ZNF443: variants seen among roughly 807,000 people sequenced by gnomAD.
ZNF443 encodes the protein zinc finger protein 443.
Under a neutral mutation model 12.0 loss-of-function variants are expected in ZNF443, and 3 were observed. That is an observed-to-expected ratio of 0.25 (90% CI 0.11 to 0.64). ZNF443 has a LOEUF of 0.64. Among genes scored for constraint, ZNF443 ranks in the 30% least tolerant of loss-of-function variants. The pLI is 0.84. For missense variants in ZNF443, 770 were observed against 808.8 expected (o/e 0.95, Z 0.58); for synonymous variants, 225 against 265.9 (o/e 0.85, Z 1.50).
rs370329116 is a variant in ZNF443 at position 12,431,232 on chromosome 19, A to G, written c.940T>C (p.Cys314Arg). Residue 314 changes from cysteine to arginine, a missense_variant, in exon 4 of 4, where the codon TGT (cysteine) becomes CGT (arginine). Cys to Arg is a radical substitution (Grantham distance 180). Transcript: ENST00000301547. ...TGEKPYTCKQ[C>R]GKAFSVSGSL... is the part of the protein sequence containing the mutation. ...CCGGAAACACTGAAGGCTTTCCCAC[A>G]TTGTTTACATGTATAGGGTTTCTCT... 5 of 1,613,872 alleles carry G rather than the reference A, an allele frequency of 3.1e-6. No individual in the cohort carries two copies. The African/African-American group carries it at 5.3e-5, about 17-fold the overall frequency.
At chr19:12,434,734 A>G (rs1265598201) in intron 1 of ZNF443, among the ~76,000 whole-genome samples, 2 of 151,996 alleles carry the variant, frequency 1.3e-5, no homozygotes, top group Non-Finnish European at 2.9e-5. Flanking sequence ...TATATGAAGA[A>G]AAATGAAAAC....
chr19:12,430,706 C>A lies in ZNF443; in HGVS notation c.1466G>T (p.Cys489Phe), dbSNP rs138455350. The change falls in exon 4 of 4, where the codon TGT (cysteine) becomes TTT (phenylalanine). Residue 489 changes from cysteine (C) to phenylalanine (F), a missense_variant. Coordinates refer to ENST00000301547, the MANE Select transcript of ZNF443 (RefSeq NM_005815.5). ...AGTTGTTTTGTGATTTTGAAAGGAA[C>A]AGAAATCAATACAGGCTTTCCCAAG... Reference protein sequence around the residue: ...CKLGKACIDFCSFQNHKTTHT... With the variant: ...CKLGKACIDFFSFQNHKTTHT... 1 of 1,613,326 alleles carries A rather than the reference C, an allele frequency of 6.2e-7. No individual in the cohort carries two copies. Among genetic ancestry groups the A allele is most frequent in the East Asian group, 2.2e-5 (1 of 44,828 alleles).
chr19:12,436,485 A>C (rs8100035), intron 1 of ZNF443, among the ~76,000 whole-genome samples: 49,158 of 150,976 alleles, frequency 0.33, 8,440 homozygotes, highest in South Asian at 0.46. Flanking sequence ...TGTCTCAAAA[A>C]AAAAGGGGTA....
rs1447126987 is a variant in ZNF443, at chr19:12,430,365, G to T, written c.1807C>A (p.Leu603Ile). Residue 603 changes from leucine to isoleucine, a missense_variant, in exon 4 of 4, where the codon CTT (leucine) becomes ATT (isoleucine). By Grantham distance (5) the Leu-to-Ile change is conservative. Around this residue, in one of 3 missense-constraint regions of ZNF443, gnomAD observed 736 missense variants for 689.4 expected, o/e 1.07. Coordinates refer to ENST00000301547, the MANE Select transcript of ZNF443 (RefSeq NM_005815.5). ...GTATGAGTTTTTTCATGTCCTTGAA[G>T]AAAACGGGAATGAGTGAAGGCTTTA... is the stretch of plus-strand genomic sequence containing the variant. ...CGKAFTHSRF[L>I]QGHEKTHTGE... 1 of 1,572,418 alleles carries T rather than the reference G, an allele frequency of 6.4e-7. No homozygotes were observed. The highest frequency in any genetic ancestry group is 2.4e-5 in the East Asian group (1 of 41,992).
At chr19:12,437,566 T>C (rs1257790980) in intron 1 of ZNF443, among the ~76,000 whole-genome samples, 2 of 151,938 alleles carry the variant, frequency 1.3e-5, no homozygotes, top group Non-Finnish European at 1.5e-5. Context: ...AAAACAATTA[T>C]ATATGTACAC....
rs1169032760 is a variant in ZNF443 at position 12,431,514 on chromosome 19, T to C, written c.658A>G (p.Thr220Ala). Residue 220 changes from threonine (T) to alanine (A), a missense_variant, in exon 4 of 4, where the codon ACT (threonine) becomes GCT (alanine). By Grantham distance (58) the Thr-to-Ala change is moderately conservative (BLOSUM62 0). Coordinates refer to ENST00000301547, the MANE Select transcript of ZNF443 (RefSeq NM_005815.5). ...SLLHMHERTH[T>A]GEKPYECKQC... ...TTACATTCATATGGTTTCTCTCCAG[T>C]GTGCGTTCTTTCATGCATATGTAAT... The C allele has an allele frequency of 3.1e-6, 5 of 1,614,036 alleles. No homozygotes were observed. In the Admixed American group the frequency reaches 5.0e-5, roughly 16 times the overall value.
Position 12,430,632 on chromosome 19 carries a change from T to G in ZNF443, c.1540A>C (p.Ser514Arg), listed in dbSNP as rs1252497155. ...TGTCGAGAAAGGTATCTGAAACGAC[T>G]GAATGCTTTCCCACATTCCTTACAC... ...YECKECGKAF[S>R]RFRYLSRHKR... Residue 514 changes from serine to arginine, a missense_variant, in exon 4 of 4, where the codon AGT becomes CGT. Around this residue, in one of 3 missense-constraint regions of ZNF443, gnomAD observed 736 missense variants for 689.4 expected, o/e 1.07. Transcript: ENST00000301547. 6.2e-7 allele frequency: 1 copy of G among 1,612,252 alleles called. No homozygotes were observed.
intron 1 of ZNF443, among the ~76,000 whole-genome samples, chr19:12,438,885 TAAC>T (rs1466813170): frequency 6.6e-6 from 1 of 152,230 alleles, no homozygotes; most frequent in African/African-American, 2.4e-5. Context: ...AAGTATAAAA[TAAC>T]AATCTCTAAT....
chr19:12,431,636 C>A lies in ZNF443; in HGVS notation c.536G>T (p.Ser179Ile). 6.2e-7 allele frequency: 1 copy of A among 1,614,168 alleles called. No individual in the cohort carries two copies. The highest frequency in any genetic ancestry group is 1.1e-5 in the South Asian group (1 of 91,074). ...GTGTCTTTGAAGGTTTCCCAAAGAACTGAAGGACTTCCCACATTCTTTACA... is the reference window on the plus strand; with the variant it reads ...GTGTCTTTGAAGGTTTCCCAAAGAAATGAAGGACTTCCCACATTCTTTACA... ...YDCKECGKSFSSLGNLQRHMA... is the reference protein window; with the variant it reads ...YDCKECGKSFISLGNLQRHMA... The change falls in exon 4 of 4, where the codon AGT becomes ATT. Residue 179 changes from serine to isoleucine, a missense_variant. By Grantham distance (142) the Ser-to-Ile change is moderately radical. Transcript: ENST00000301547.
In ZNF443 at chr19:12,432,399, T is replaced by C. The variant is rs755826645; in HGVS notation, c.169A>G (p.Arg57Gly). The C allele has an allele frequency of 1.0e-5, 16 of 1,555,824 alleles. No homozygotes were observed. The African/African-American group carries it at 1.4e-4, about 14-fold the overall frequency. The part of the protein sequence containing the change: ...WKDQNIEDQY[R>G]YPRKNLRCRM... Reference sequence around the variant, plus strand: ...TACCTTAGATTTTTCCTGGGATATCTATATTGATCTTCAATGTTCTGGTCT... The same window carrying C: ...TACCTTAGATTTTTCCTGGGATATCCATATTGATCTTCAATGTTCTGGTCT... The change falls in exon 3 of 4, where the codon AGA becomes GGA. Residue 57 changes from arginine to glycine, a missense_variant. Coordinates refer to ENST00000301547, the MANE Select transcript of ZNF443 (RefSeq NM_005815.5).
At chr19:12,438,258 G>C (rs1340278347) in intron 1 of ZNF443, among the ~76,000 whole-genome samples, 2 of 152,182 alleles carry the variant, frequency 1.3e-5, no homozygotes, top group Non-Finnish European at 2.9e-5. Flanking sequence ...CTCAAATTCA[G>C]TGTCTATGTC....
chr19:12,438,766 A>G (rs548986962), intron 1 of ZNF443, among the ~76,000 whole-genome samples: 6 of 152,220 alleles, frequency 3.9e-5, no homozygotes, highest in African/African-American at 1.4e-4. Flanking sequence ...ATGGAATAGA[A>G]GATTACATAT....
At chr19:12,433,861 A>G (rs1296788884) in intron 1 of ZNF443, among the ~76,000 whole-genome samples, 1 of 152,100 alleles carries the variant, frequency 6.6e-6, no homozygotes, top group Non-Finnish European at 1.5e-5. Flanking sequence ...AAAAGAAAAA[A>G]AAAGTGGGGG....
chr19:12,430,529 T>C lies in ZNF443; in HGVS notation c.1643A>G (p.Lys548Arg). Reference protein sequence around the residue: ...RKAFGHYDNLKVHERIHSGEK... With the variant: ...RKAFGHYDNLRVHERIHSGEK... Reference sequence around the variant, plus strand: ...TCCAGAGTGAATTCTTTCATGTACCTTTAAGTTATCATAATGACCGAAGGC... The same window carrying C: ...TCCAGAGTGAATTCTTTCATGTACCCTTAAGTTATCATAATGACCGAAGGC... The change falls in exon 4 of 4, where the codon AAG (lysine) becomes AGG (arginine). Residue 548 changes from lysine to arginine, a missense_variant. Physicochemically the swap from Lys to Arg is conservative, Grantham distance 26 (BLOSUM62 2). Around this residue, in one of 3 missense-constraint regions of ZNF443, gnomAD observed 736 missense variants for 689.4 expected, o/e 1.07. Coordinates refer to ENST00000301547, the MANE Select transcript of ZNF443 (RefSeq NM_005815.5). 6.2e-7 allele frequency: 1 copy of C among 1,614,140 alleles called. No homozygotes were observed. Among genetic ancestry groups the C allele is most frequent in the South Asian group, 1.1e-5 (1 of 91,084 alleles).
At chr19:12,438,476 GGAACA>G (rs1015751212) in intron 1 of ZNF443, among the ~76,000 whole-genome samples, 2 of 152,148 alleles carry the variant, frequency 1.3e-5, no homozygotes, top group African/African-American at 4.8e-5. Context: ...AGATATAACA[GGAACA>G]GAACAGATTT....
At chr19:12,435,703 T>A (rs1278545676) in intron 1 of ZNF443, among the ~76,000 whole-genome samples, 2 of 151,540 alleles carry the variant, frequency 1.3e-5, no homozygotes, top group Non-Finnish European at 2.9e-5. Context: ...GAGGTCAGGC[T>A]TTTGTATGCT....
At chr19:12,440,710 G>A (rs1970356110) in intron 1 of ZNF443, among the ~76,000 whole-genome samples, 1 of 152,188 alleles carries the variant, frequency 6.6e-6, no homozygotes, top group African/African-American at 2.4e-5. Flanking sequence ...CGCAGTCGCC[G>A]CGCAGGAACG....
rs1215517028 is a variant in ZNF443 at position 12,440,966 on chromosome 19, G to C, written c.-52C>G. 1.9e-6 allele frequency: 3 copies of C among 1,613,666 alleles called. No homozygotes were observed. Among genetic ancestry groups the C allele is most frequent in the African/African-American group, 2.7e-5 (2 of 74,922 alleles). On this transcript the variant is annotated 5_prime_UTR_variant, in exon 1 of 4. Transcript: ENST00000301547. ...CCTACCGACAGCTCCCGCTGCCAAT[G>C]CGTGTTCCAGCCAGACAAAGGCTGC...
Position 12,430,089 on chromosome 19 carries a change from T to C in ZNF443, c.*67A>G. 1.2e-6 allele frequency: 2 copies of C among 1,602,944 alleles called. No individual in the cohort carries two copies. Among genetic ancestry groups the C allele is most frequent in the Admixed American group, 1.7e-5 (1 of 58,500 alleles). ...CAGGGTCTATCTCCAATGTGTTTCG[T>C]ACAAGTATCTGAAATGAAATAAAAT... On this transcript the variant is annotated 3_prime_UTR_variant, in exon 4 of 4. Coordinates refer to ENST00000301547, the MANE Select transcript of ZNF443 (RefSeq NM_005815.5).
Sources: allele counts gnomAD v4.1 joint callset (sites outside exome capture counted in the v4.1 genomes callset), GRCh38; gene constraint gnomAD v4.1.1; regional missense constraint gnomAD v4.1.1; transcripts MANE v1.5; gene names NCBI Gene and HGNC (gene_info 2026-07-23, HGNC 2026-07-21).